Variants in CDH26 observed in about 807,000 individuals in gnomAD.
CDH26 encodes the protein cadherin-like protein 26.
CDH26 carries 83 observed loss-of-function variants against 90.3 expected under a neutral mutation model. The observed-to-expected ratio is 0.92, with a 90% confidence interval of 0.77 to 1.10. The LOEUF (loss-of-function observed/expected upper bound fraction) is 1.10, where lower values mean the gene tolerates loss of function less well. Among genes scored for constraint, CDH26 ranks in the 50% least tolerant of loss-of-function variants. The pLI is 0.00. For missense variants in CDH26, 1,013 were observed against 1,037.6 expected, an observed-to-expected ratio of 0.98 and a Z score of 0.33; for synonymous variants, 397 against 396.3, an observed-to-expected ratio of 1.00 and a Z score of -0.02.
At chr20:60,004,548 C>T (rs758961889) in intron 16 of CDH26, among the ~76,000 whole-genome samples, 11 of 151,980 alleles carry the variant, frequency 7.2e-5, no homozygotes, top group Non-Finnish European at 1.3e-4. Flanking sequence ...AGGCGTATCA[C>T]GAGATCAGGA....
At chr20:60,010,732 G>C (rs2061825114) in intron 17 of CDH26, among the ~76,000 whole-genome samples, 1 of 152,220 alleles carries the variant, frequency 6.6e-6, no homozygotes, top group South Asian at 2.1e-4. Flanking sequence ...GAGAGGAGGA[G>C]ATGGTGAGAA....
At chr20:59,970,288 G>A (rs1569026851) in intron 3 of CDH26, 102 bp downstream of exon 3, 68 of 1,474,732 alleles carry the variant, frequency 4.6e-5, no homozygotes, top group Non-Finnish European at 6.1e-5. Context: ...TGCTAGTGAG[G>A]CCAGGGAGTG....
intron 4 of CDH26, among the ~76,000 whole-genome samples, chr20:59,972,699 C>A (rs1363644660): frequency 6.6e-6 from 1 of 152,156 alleles, no homozygotes; most frequent in Non-Finnish European, 1.5e-5. Flanking sequence ...CATAGGAAGT[C>A]CTTAGGTAGT....
In CDH26 at chr20:60,013,567, A is replaced by T. The variant is rs1014802862; in HGVS notation, c.*837A>T. ...GTCAGTTTTCTAGTCTGAGTAATAG[A>T]TAAGAGACTGACTAAGCAAAGTTTA... is the stretch of plus-strand genomic sequence containing the variant. On this transcript the variant is annotated 3_prime_UTR_variant, in exon 18 of 18. Coordinates refer to ENST00000348616, the MANE Select transcript of CDH26 (RefSeq NM_177980.4). The T allele has an allele frequency of 6.6e-5, 10 of 152,362 alleles. No homozygotes were observed. In the East Asian group the frequency reaches 1.9e-3, roughly 29 times the overall value. 9.4% of individuals were successfully genotyped at this position (152,362 alleles called of 1,614,324 possible).
chr20:59,980,911 GAATT>G (rs919299120), intron 4 of CDH26, among the ~76,000 whole-genome samples: 2 of 151,576 alleles, frequency 1.3e-5, no homozygotes, highest in African/African-American at 4.8e-5. Context: ...GATCCATTTT[GAATT>G]AATTTTTGTC....
intron 7 of CDH26, among the ~76,000 whole-genome samples, chr20:60,028,292 T>G (rs2062014418): frequency 6.6e-6 from 1 of 152,254 alleles, no homozygotes; most frequent in Admixed American, 6.5e-5. Flanking sequence ...GTGATATAAA[T>G]GGGATTATAC....
At chr20:59,977,115 C>T (rs2061336537) in intron 4 of CDH26, among the ~76,000 whole-genome samples, 1 of 152,144 alleles carries the variant, frequency 6.6e-6, no homozygotes, top group African/African-American at 2.4e-5. Context: ...AGCAAGGGTG[C>T]CTTCCTCCAG....
chr20:59,976,789 G>A (rs2061333278), intron 4 of CDH26, among the ~76,000 whole-genome samples: 4 of 152,216 alleles, frequency 2.6e-5, no homozygotes, highest in Middle Eastern at 3.4e-3. Context: ...GTGGGACCAC[G>A]GTGATGGAAG....
chr20:59,992,418 G>A lies in CDH26; in HGVS notation c.1324G>A (p.Asp442Asn), dbSNP rs144761668. The stretch of plus-strand genomic sequence containing the variant: ...TGACCCAGCAAATTGGGTCAGCGTC[G>A]ACAAAAACTCCGGAGTGGTCATCAC... ...VHDPANWVSV[D>N]KNSGVVITVE... Residue 442 changes from aspartate to asparagine, a missense_variant, in exon 10 of 18, where the codon GAC becomes AAC. Asp to Asn is a conservative substitution (Grantham distance 23). Transcript: ENST00000348616. This position sits in a 1 kb window ranked among gnomAD's most constrained non-coding sequence, Gnocchi z 5.0. The A allele has an allele frequency of 1.3e-5, 21 of 1,613,812 alleles. No individual in the cohort carries two copies. In the Middle Eastern group the frequency reaches 4.9e-4, roughly 38 times the overall value.
intron 7 of CDH26, among the ~76,000 whole-genome samples, chr20:60,024,237 G>A (rs2146032504): frequency 6.6e-6 from 1 of 152,352 alleles, no homozygotes; most frequent in East Asian, 1.9e-4. Flanking sequence ...TGAACGCTGT[G>A]TAGCCTCAGG....
Position 59,970,201 on chromosome 20 carries a change from C to T in CDH26, c.231+15C>T, listed in dbSNP as rs2061239181. 6.2e-7 allele frequency: 1 copy of T among 1,611,302 alleles called. No individual in the cohort carries two copies. Among genetic ancestry groups the T allele is most frequent in the East Asian group, 2.2e-5 (1 of 44,776 alleles). On this transcript the variant is annotated intron_variant, in intron 3 of 17. Transcript: ENST00000348616. Reference sequence around the variant, plus strand: ...TCATTGGTGAGGTAAGGTGCCTACTCTTAAGGAATGACCCCATCATGCCCT... The same window carrying T: ...TCATTGGTGAGGTAAGGTGCCTACTTTTAAGGAATGACCCCATCATGCCCT...
chr20:60,003,858 T>C (rs1469099590), intron 16 of CDH26, among the ~76,000 whole-genome samples: 1 of 152,164 alleles, frequency 6.6e-6, no homozygotes, highest in African/African-American at 2.4e-5. Context: ...TCAGCCACAG[T>C]GCAGCCATAC....
Position 59,958,686 on chromosome 20 carries a change from T to A in CDH26, c.-41T>A. On this transcript the variant is annotated 5_prime_UTR_variant, in exon 1 of 18. Transcript: ENST00000348616. ...TGAGACCACCAGCTTGGAGGACTGG[T>A]CATCAGCTGCACGTTCTGGGTCTGT... is the stretch of plus-strand genomic sequence containing the variant. The A allele has an allele frequency of 1.3e-6, 2 of 1,599,358 alleles. No individual in the cohort carries two copies. Among genetic ancestry groups the A allele is most frequent in the Non-Finnish European group, 1.7e-6 (2 of 1,166,802 alleles).
At chr20:59,982,776 A>G in intron 4 of CDH26, 147 bp from the exon 5 acceptor site, 1 of 850,414 alleles carries the variant, frequency 1.2e-6, no homozygotes, top group East Asian at 2.5e-5. Context: ...GGTACTTGGT[A>G]AATGAGGGCA....
At chr20:59,964,250 C>T (rs1181372438) in intron 1 of CDH26, among the ~76,000 whole-genome samples, 1 of 152,160 alleles carries the variant, frequency 6.6e-6, no homozygotes, top group East Asian at 1.9e-4. Context: ...GAATTTTCTC[C>T]CAAAAGATGC....
chr20:59,958,714 T>TGGG lies in CDH26; in HGVS notation c.-12_-10dup. On this transcript the variant is annotated 5_prime_UTR_variant, in exon 1 of 18. Coordinates refer to ENST00000348616, the MANE Select transcript of CDH26 (RefSeq NM_177980.4). Reference sequence around the variant, plus strand: ...TCAGCTGCACGTTCTGGGTCTGTCTTGGGTATTCCCATATGGCCATGAGAT... The same window carrying TGGG: ...TCAGCTGCACGTTCTGGGTCTGTCTTGGGGGGTATTCCCATATGGCCATGAGAT... The TGGG allele has an allele frequency of 6.2e-7, 1 of 1,614,106 alleles. No homozygotes were observed. The highest frequency in any genetic ancestry group is 2.2e-5 in the East Asian group (1 of 44,874).
At chr20:59,990,186 A>G (rs6027226) in intron 9 of CDH26, among the ~76,000 whole-genome samples, 29,236 of 152,212 alleles carry the variant, frequency 0.19, 3,149 homozygotes, top group East Asian at 0.47. Context: ...AGCATGTATC[A>G]GAATGTCCTT....
At chr20:59,991,966 C>T (rs2061532763) in intron 9 of CDH26, among the ~76,000 whole-genome samples, 1 of 152,172 alleles carries the variant, frequency 6.6e-6, no homozygotes, top group Admixed American at 6.5e-5. Flanking sequence ...CAGGGCTCTG[C>T]TGCAAAGGGA....
intron 17 of CDH26, among the ~76,000 whole-genome samples, chr20:60,011,136 G>A (rs1048816309): frequency 2.6e-4 from 39 of 152,352 alleles, no homozygotes; most frequent in African/African-American, 9.1e-4. Flanking sequence ...CATGGGGCTG[G>A]AGGAGAGGGG....
Sources: gnomAD v4.1 joint callset for allele counts (sites outside exome capture counted in the v4.1 genomes callset) on GRCh38, gnomAD v4.1.1 for gene constraint, Gnocchi (gnomAD v3.1) non-coding constraint, MANE v1.5 for transcripts, NCBI Gene and HGNC (gene_info 2026-07-23, HGNC 2026-07-21) for gene names.